Variants in PI4KA observed in about 807,000 individuals in gnomAD.
The protein encoded by PI4KA is phosphatidylinositol 4-kinase alpha.
A neutral mutation model predicts 271.4 loss-of-function variants in PI4KA; 122 were observed. That is an observed-to-expected ratio of 0.45 (90% CI 0.39 to 0.52). The LOEUF is 0.52. Ranked by LOEUF, PI4KA falls within the 20% of genes least tolerant of loss-of-function variation. The pLI is 0.00. For missense variants in PI4KA, 1,969 were observed against 2,769.1 expected, an observed-to-expected ratio of 0.71 and a Z score of 6.48; for synonymous variants, 1,041 against 1,078.8, an observed-to-expected ratio of 0.96 and a Z score of 0.69.
Position 20,788,533 on chromosome 22 carries a change from T to A in PI4KA, c.2328+4660A>T, listed in dbSNP as rs1934421704. Among the ~76,000 whole-genome samples, 5 of 152,356 alleles carry A rather than the reference T, an allele frequency of 3.3e-5. No individual in the cohort carries two copies. The South Asian group carries it at 1.0e-3, about 32-fold the overall frequency. On this transcript the variant is annotated intron_variant, in intron 19 of 54. Transcript: ENST00000255882. ...GGAAGGCCTCTGCCTGAGGCCTGAA[T>A]CCACACCCAGGCAGGGGGACCCTGC...
At chr22:20,713,112 G>A (rs1444813802) in intron 48 of PI4KA, 169 bp downstream of exon 48, 5 of 693,410 alleles carry the variant, frequency 7.2e-6, no homozygotes, top group Non-Finnish European at 1.3e-5. Context: ...GCTGGAAGGA[G>A]AGGCCTCTGG....
chr22:20,779,727 C>T (rs1270484905), intron 19 of PI4KA: 1 of 1,614,220 alleles, frequency 6.2e-7, no homozygotes, highest in Admixed American at 1.7e-5. Context: ...CAACCTCTAC[C>T]GAGTGCTGAA....
rs766318776 is a variant in PI4KA, at chr22:20,786,827, CCT to C, written c.2328+6364_2328+6365del. 9.6e-6 allele frequency: 15 copies of C among 1,564,016 alleles called. No individual in the cohort carries two copies. The East Asian group carries it at 3.4e-4, about 35-fold the overall frequency. Reference sequence around the variant, plus strand: ...ATGAGATTGTGCTGGGAACTCTAGCCCTCTGTGTGCTGACCTCCAGAATCTGA... The same window carrying C: ...ATGAGATTGTGCTGGGAACTCTAGCCCTGTGTGCTGACCTCCAGAATCTGA... On this transcript the variant is annotated intron_variant, in intron 19 of 54. Transcript: ENST00000255882.
intron 14 of PI4KA, among the ~76,000 whole-genome samples, chr22:20,801,519 A>T (rs1360319327): frequency 6.6e-6 from 1 of 151,690 alleles, no homozygotes; most frequent in African/African-American, 2.4e-5. Flanking sequence ...CAGGAGGCAG[A>T]GGTTGCTGTG....
At chr22:20,729,534 A>C (rs764209148) in intron 38 of PI4KA, 28 bp from the exon 39 acceptor site, 1 of 1,560,884 alleles carries the variant, frequency 6.4e-7, no homozygotes, top group Non-Finnish European at 8.7e-7. Flanking sequence ...AAGGCCTGAT[A>C]TGCACCCCTT....
At chr22:20,773,082 C>T (rs565488785) in intron 19 of PI4KA, among the ~76,000 whole-genome samples, 1 of 151,748 alleles carries the variant, frequency 6.6e-6, no homozygotes, top group Admixed American at 6.6e-5. Context: ...CAGAGTGAGA[C>T]CCTGTCTCAA....
At chr22:20,726,116 G>A (rs6004060) in intron 42 of PI4KA, among the ~76,000 whole-genome samples, 10,734 of 152,172 alleles carry the variant, frequency 0.071, 366 homozygotes, top group East Asian at 0.08. Flanking sequence ...ATGCAGCCCT[G>A]GCAGACTAAT....
intron 28 of PI4KA, among the ~76,000 whole-genome samples, chr22:20,749,328 G>C (rs1166001065): frequency 6.6e-6 from 1 of 152,184 alleles, no homozygotes; most frequent in Non-Finnish European, 1.5e-5. Context: ...CCTTCCAGAG[G>C]TATTTTTCTC....
intron 18 of PI4KA, among the ~76,000 whole-genome samples, chr22:20,794,246 T>A (rs1233945683): frequency 6.6e-6 from 1 of 152,198 alleles, no homozygotes; most frequent in Non-Finnish European, 1.5e-5. Flanking sequence ...TTAGTTTAAT[T>A]TATAATTATA....
At chr22:20,774,949 G>A (rs906864843) in intron 19 of PI4KA, among the ~76,000 whole-genome samples, 15 of 151,964 alleles carry the variant, frequency 9.9e-5, no homozygotes, top group Admixed American at 9.8e-4. Context: ...ATCTCGGTAC[G>A]GGTATACAGG....
intron 3 of PI4KA, among the ~76,000 whole-genome samples, chr22:20,831,095 T>C (rs1228908836): frequency 1.3e-5 from 2 of 152,258 alleles, no homozygotes; most frequent in East Asian, 1.9e-4. Context: ...TCTGTAGTGG[T>C]TGGTAATAAT....
chr22:20,806,731 C>T (rs1015481465), intron 10 of PI4KA, among the ~76,000 whole-genome samples: 1 of 151,678 alleles, frequency 6.6e-6, no homozygotes, highest in Admixed American at 6.6e-5. Flanking sequence ...ACTTCATTTT[C>T]TTTTTTTTAA....
chr22:20,795,700 T>G (rs1215774488), intron 18 of PI4KA, among the ~76,000 whole-genome samples: 1 of 152,172 alleles, frequency 6.6e-6, no homozygotes, highest in African/African-American at 2.4e-5. Context: ...ATTCAAGACA[T>G]GACGTTTATC....
intron 29 of PI4KA, among the ~76,000 whole-genome samples, chr22:20,746,633 G>A (rs1473723061): frequency 2.0e-5 from 3 of 152,218 alleles, no homozygotes; most frequent in Admixed American, 6.5e-5. Context: ...TGGCCACCCA[G>A]TGGCAGAGAC....
intron 19 of PI4KA, 73 bp downstream of exon 19, chr22:20,793,120 T>C: frequency 5.5e-6 from 5 of 905,960 alleles, no homozygotes; most frequent in Non-Finnish European, 9.3e-6. Flanking sequence ...GAATTTACTG[T>C]GCGTCACCAG....
At chr22:20,786,702 G>A (rs1213193357) in intron 19 of PI4KA, among the ~76,000 whole-genome samples, 3 of 152,130 alleles carry the variant, frequency 2.0e-5, no homozygotes, top group Non-Finnish European at 1.5e-5. Context: ...TAAGTGCAAC[G>A]GCTGCCCCTG....
At chr22:20,748,626 T>C (rs1930362800) in intron 28 of PI4KA, among the ~76,000 whole-genome samples, 2 of 152,146 alleles carry the variant, frequency 1.3e-5, no homozygotes, top group South Asian at 4.1e-4. Flanking sequence ...CAGGCCCTGT[T>C]TACAGGCGTG....
chr22:20,726,472 G>A lies in PI4KA; in HGVS notation c.4995+16C>T, dbSNP rs1927363649. 1.3e-6 allele frequency: 2 copies of A among 1,546,374 alleles called. No homozygotes were observed. Among genetic ancestry groups the A allele is most frequent in the Admixed American group, 2.2e-5 (1 of 45,592 alleles). On this transcript the variant is annotated intron_variant, in intron 42 of 54. Coordinates refer to ENST00000255882, the MANE Select transcript of PI4KA (RefSeq NM_058004.4). ...CTCTGTGAGTGAAGAGGACGGCCAT[G>A]CAGGTGCAGGCTTACCTTGTCGTAC...
chr22:20,803,202 T>G lies in PI4KA; in HGVS notation c.1580A>C (p.Gln527Pro). The G allele has an allele frequency of 6.2e-7, 1 of 1,614,080 alleles. No homozygotes were observed. The highest frequency in any genetic ancestry group is 8.5e-7 in the Non-Finnish European group (1 of 1,179,938). Residue 527 changes from glutamine (Q) to proline (P), a missense_variant, in exon 13 of 55, where the codon CAG (glutamine) becomes CCG (proline). By Grantham distance (76) the Gln-to-Pro change is moderately conservative (BLOSUM62 -1). This residue lies in a region of PI4KA where 228 missense variants were observed against 261.6 expected (regional missense o/e 0.87). Transcript: ENST00000255882. ...TAGTCTGTTATTACCTGTGTGGTAC[T>G]GACTGTGGTACTTGTAGAGCTTCAC... is the stretch of plus-strand genomic sequence containing the variant. ...VLVKLYKYHS[Q>P]YHTVAGNDIK...
Sources: gnomAD v4.1 joint callset for allele counts (sites outside exome capture counted in the v4.1 genomes callset) on GRCh38, gnomAD v4.1.1 for gene constraint, gnomAD v4.1.1 regional missense constraint, MANE v1.5 for transcripts, NCBI Gene and HGNC (gene_info 2026-07-23, HGNC 2026-07-21) for gene names.